RNF216: variants seen among roughly 807,000 people sequenced by gnomAD.
RNF216 encodes E3 ubiquitin-protein ligase RNF216.
RNF216 carries 72 observed loss-of-function variants against 110.8 expected under a neutral mutation model. The observed-to-expected ratio is 0.65, with a 90% CI of 0.54 to 0.79. The LOEUF (loss-of-function observed/expected upper bound fraction) is 0.79. RNF216 is among the 30% of genes least tolerant of loss of function. The probability of loss-of-function intolerance (pLI) is 0.00; values close to 1 mark genes in which losing one functional copy is unlikely to be tolerated. For missense variants in RNF216, 1,342 were observed against 1,141.2 expected (o/e 1.18, Z -2.54); for synonymous variants, 495 against 407.5 (o/e 1.21, Z -2.59).
chr7:5,779,016 T>C (rs991164598), intron 1 of RNF216, among the ~76,000 whole-genome samples: 1 of 152,248 alleles, frequency 6.6e-6, no homozygotes, highest in African/African-American at 2.4e-5. Flanking sequence ...AGTGCTGGGA[T>C]TACGGGCGTG....
At chr7:5,754,519 A>G (rs913400669) in intron 2 of RNF216, among the ~76,000 whole-genome samples, 20 of 152,036 alleles carry the variant, frequency 1.3e-4, no homozygotes, top group Admixed American at 1.2e-3. Flanking sequence ...TAGCCATTTC[A>G]GAAGACACAC....
intron 13 of RNF216, among the ~76,000 whole-genome samples, chr7:5,656,537 G>A (rs1351007672): frequency 6.6e-6 from 1 of 152,104 alleles, no homozygotes; most frequent in Non-Finnish European, 1.5e-5. Flanking sequence ...AATACAGTAA[G>A]CAGGCAAGCA....
rs1044240004 is a variant in RNF216, at chr7:5,622,153, T to C, written c.*707A>G. 9 of 152,282 alleles carry C rather than the reference T, an allele frequency of 5.9e-5. No homozygotes were observed. The highest frequency in any genetic ancestry group is 1.2e-4 in the Non-Finnish European group (8 of 68,098). 9.4% of individuals were successfully genotyped at this position (152,282 alleles called of 1,614,324 possible). Reference sequence around the variant, plus strand: ...ATGGGCCAGCTTCAGAACCATCCAGTGTACCGCAGCGGCCTGGCCTGGGAA... The same window carrying C: ...ATGGGCCAGCTTCAGAACCATCCAGCGTACCGCAGCGGCCTGGCCTGGGAA... On this transcript the variant is annotated 3_prime_UTR_variant, in exon 17 of 17. Transcript: ENST00000389902.
At position 5,652,601 on chromosome 7, in the gene RNF216, A is replaced by C. The variant is rs571794098; in HGVS notation, c.2062-91T>G. On this transcript the variant is annotated intron_variant, in intron 13 of 16. Transcript: ENST00000389902. ...ACAAAAGGGATATGAAATGAGCTTT[A>C]CTTGGCTTGAATTCTTTCAGAGGAT... is the stretch of plus-strand genomic sequence containing the variant. 138 of 827,470 alleles carry C rather than the reference A, an allele frequency of 1.7e-4. 2 individuals are homozygous for C. The highest frequency in any genetic ancestry group is 2.6e-4 in the Non-Finnish European group (128 of 485,264). The allele number at this position is 827,470 out of a possible 1,614,324, so 51.3% of individuals were successfully genotyped here.
Position 5,749,131 on chromosome 7 carries a change from C to A in RNF216, c.201+3715G>T, listed in dbSNP as rs1417297607. Among the ~76,000 whole-genome samples, 3 of 148,412 alleles carry A rather than the reference C, an allele frequency of 2.0e-5. No individual in the cohort carries two copies. In the South Asian group the frequency reaches 6.4e-4, roughly 32 times the overall value. ...ATTTGGAAAACAGCTGTGTTCTGAT[C>A]AGCAAAAATGCCCATGTATTTTTTT... On this transcript the variant is annotated intron_variant, in intron 3 of 16. Transcript: ENST00000389902.
At chr7:5,698,756 C>T (rs1462571990) in intron 13 of RNF216, among the ~76,000 whole-genome samples, 1 of 152,154 alleles carries the variant, frequency 6.6e-6, no homozygotes, top group Non-Finnish European at 1.5e-5. Context: ...CACCAGGTCC[C>T]TACCACTTAT....
At chr7:5,755,552 C>G (rs946157041) in intron 2 of RNF216, among the ~76,000 whole-genome samples, 2 of 152,168 alleles carry the variant, frequency 1.3e-5, no homozygotes, top group Non-Finnish European at 2.9e-5. Context: ...TTTCTAATTG[C>G]GCAGATAAGT....
chr7:5,643,469 G>C (rs1354793883), intron 14 of RNF216, among the ~76,000 whole-genome samples: 1 of 151,758 alleles, frequency 6.6e-6, no homozygotes, highest in Non-Finnish European at 1.5e-5. Flanking sequence ...CTGACCTTGC[G>C]CTCACACAGG....
intron 1 of RNF216, among the ~76,000 whole-genome samples, chr7:5,766,743 C>T (rs961223218): frequency 6.6e-6 from 1 of 152,154 alleles, no homozygotes; most frequent in Non-Finnish European, 1.5e-5. Flanking sequence ...ATTACAGAAA[C>T]AACACATATA....
intron 1 of RNF216, among the ~76,000 whole-genome samples, chr7:5,764,588 C>G (rs570633962): frequency 2.9e-4 from 44 of 151,034 alleles, no homozygotes; most frequent in Non-Finnish European, 5.4e-4. Context: ...GCGGAGGTTG[C>G]AGTAGGCCAA....
intron 10 of RNF216, 65 bp downstream of exon 10, chr7:5,716,651 A>G (rs1793083006): frequency 2.2e-6 from 3 of 1,355,124 alleles, no homozygotes; most frequent in Middle Eastern, 1.9e-4. Context: ...AATGCTGACA[A>G]AACATGGTAA....
chr7:5,765,714 G>A (rs1363074256), intron 1 of RNF216, among the ~76,000 whole-genome samples: 3 of 151,328 alleles, frequency 2.0e-5, no homozygotes, highest in Admixed American at 6.6e-5. Context: ...CGGCTGAGGC[G>A]GGCAGACTGC....
At position 5,679,823 on chromosome 7, in the gene RNF216, GGA is replaced by G. The variant is rs560449710; in HGVS notation, c.2062-27315_2062-27314del. ...AATGAGCATCTTTAGACCCTCAGCAGGAGAGACTATCATGCTCCTCCAGGTCC... is the reference window on the plus strand; with the variant it reads ...AATGAGCATCTTTAGACCCTCAGCAGGAGACTATCATGCTCCTCCAGGTCC... On this transcript the variant is annotated intron_variant, in intron 13 of 16. Transcript: ENST00000389902. 3.4e-3 allele frequency among the ~76,000 whole-genome samples: 512 copies of G among 152,304 alleles called. 3 individuals carry two copies. The highest frequency in any genetic ancestry group is 5.9e-3 in the Non-Finnish European group (400 of 68,030).
chr7:5,735,992 C>G (rs1584537955), intron 5 of RNF216, among the ~76,000 whole-genome samples: 1 of 152,200 alleles, frequency 6.6e-6, no homozygotes, highest in Admixed American at 6.5e-5. Flanking sequence ...ACTTGGGAGG[C>G]TGAGGCAGGA....
At chr7:5,636,685 C>T (rs368072526) in intron 15 of RNF216, among the ~76,000 whole-genome samples, 1 of 152,156 alleles carries the variant, frequency 6.6e-6, no homozygotes, top group Non-Finnish European at 1.5e-5. Context: ...CGGGGCTGAT[C>T]GCTGTTTTGA....
intron 13 of RNF216, among the ~76,000 whole-genome samples, chr7:5,694,402 C>T (rs1791505564): frequency 6.6e-6 from 1 of 151,912 alleles, no homozygotes; most frequent in Admixed American, 6.5e-5. Context: ...CTATTCTGAC[C>T]ACGAGCACTA....
intron 8 of RNF216, among the ~76,000 whole-genome samples, chr7:5,721,398 A>G (rs1368013248): frequency 6.6e-6 from 1 of 152,144 alleles, no homozygotes; most frequent in African/African-American, 2.4e-5. Context: ...TTATGCTCCA[A>G]TTGGAAGGCA....
At chr7:5,657,838 A>C (rs1788842368) in intron 13 of RNF216, among the ~76,000 whole-genome samples, 1 of 152,216 alleles carries the variant, frequency 6.6e-6, no homozygotes, top group Admixed American at 6.5e-5. Flanking sequence ...GAATCAATAA[A>C]GTTCAGCAAA....
In RNF216 at chr7:5,652,507, T is replaced by C. The variant is rs1422758671; in HGVS notation, c.2065A>G (p.Thr689Ala). ...CAGAGTCCCTGACACTTCCTACAGG[T>C]TTCCTGGGGATAAAGGACAGACACA... Reference protein sequence around the residue: ...SCPNPHCRKETCRKCQGLWKE... With the variant: ...SCPNPHCRKEACRKCQGLWKE... The change falls in exon 14 of 17, where the codon ACC becomes GCC. Residue 689 changes from threonine to alanine, a missense_variant. By Grantham distance (58) the Thr-to-Ala change is moderately conservative. Coordinates refer to ENST00000389902, the MANE Select transcript of RNF216 (RefSeq NM_207111.4). The C allele has an allele frequency of 6.2e-7, 1 of 1,610,852 alleles. No individual in the cohort carries two copies. Among genetic ancestry groups the C allele is most frequent in the Non-Finnish European group, 8.5e-7 (1 of 1,177,164 alleles).
Sources: allele counts gnomAD v4.1 joint callset (sites outside exome capture counted in the v4.1 genomes callset), GRCh38; gene constraint gnomAD v4.1.1; transcripts MANE v1.5; gene names NCBI Gene and HGNC (gene_info 2026-07-23, HGNC 2026-07-21).